FIP1L1: variants seen among roughly 807,000 people sequenced by gnomAD.
FIP1L1 encodes pre-mRNA 3'-end-processing factor FIP1.
A neutral mutation model predicts 84.6 loss-of-function variants in FIP1L1; 21 were observed. That is an observed-to-expected ratio of 0.25 (90% confidence interval 0.18 to 0.36). The LOEUF is 0.36. FIP1L1 is among the 10% of genes least tolerant of loss of function. FIP1L1 has a pLI of 1.00. For missense variants in FIP1L1, 526 were observed against 751.1 expected, an observed-to-expected ratio of 0.70 and a Z score of 3.50; for synonymous variants, 263 against 242.3, an observed-to-expected ratio of 1.09 and a Z score of -0.80.
In FIP1L1 at chr4:53,391,418, T is replaced by C; in HGVS notation, c.637-12T>C. 1.2e-6 allele frequency: 2 copies of C among 1,607,610 alleles called. No individual in the cohort carries two copies. The highest frequency in any genetic ancestry group is 1.7e-6 in the Non-Finnish European group (2 of 1,174,330). On this transcript the variant is annotated splice_polypyrimidine_tract_variant and intron_variant, in intron 8 of 17. Coordinates refer to ENST00000337488, the MANE Select transcript of FIP1L1 (RefSeq NM_030917.4). ...TGTGGTATCTTAATGGGGAATATGT[T>C]ATTTAACTTAGGCCGAAGACTGTAC...
In FIP1L1 at chr4:53,378,042, T is replaced by G. The variant is rs550273498; in HGVS notation, c.85+119T>G. On this transcript the variant is annotated intron_variant, in intron 1 of 17. Transcript: ENST00000337488. Reference sequence around the variant, plus strand: ...TTCGGGCCTCTGGTTGGGAGTCCTGTCCGGCCTGACTTAGGCCGAGCGCGG... The same window carrying G: ...TTCGGGCCTCTGGTTGGGAGTCCTGGCCGGCCTGACTTAGGCCGAGCGCGG... 2,148 of 950,484 alleles carry G rather than the reference T, an allele frequency of 2.3e-3. 4 individuals carry two copies. Among genetic ancestry groups the G allele is most frequent in the Non-Finnish European group, 2.6e-3 (1,730 of 660,710 alleles). The allele number at this position is 950,484 out of a possible 1,614,324, so 58.9% of individuals were successfully genotyped here.
chr4:53,458,204 A>G (rs908908479), intron 16 of FIP1L1, among the ~76,000 whole-genome samples: 1 of 152,148 alleles, frequency 6.6e-6, no homozygotes, highest in East Asian at 1.9e-4. Flanking sequence ...TGAGTCGTGT[A>G]TTTTTATAAT....
At chr4:53,437,452 C>T (rs943880725) in intron 13 of FIP1L1, among the ~76,000 whole-genome samples, 4 of 150,046 alleles carry the variant, frequency 2.7e-5, no homozygotes, top group East Asian at 2.0e-4. Flanking sequence ...CATAAAAATT[C>T]GGAATGGGAT....
At chr4:53,433,426 T>C (rs551327434) in intron 13 of FIP1L1, among the ~76,000 whole-genome samples, 4 of 152,224 alleles carry the variant, frequency 2.6e-5, no homozygotes, top group Non-Finnish European at 5.9e-5. Context: ...AATAATAGAA[T>C]TTAATTAATG....
At chr4:53,381,750 A>ATTTTTTTTTTTTTTTTTTTTTTTT (rs1233462083) in intron 3 of FIP1L1, among the ~76,000 whole-genome samples, 1 of 63,060 alleles carries the variant, frequency 1.6e-5, no homozygotes, top group Non-Finnish European at 3.0e-5. Flanking sequence ...AGGCATTTGC[A>ATTTTTTTTTTTTTTTTTTTTTTTT]TTCTTTTTTT....
chr4:53,442,156 T>C (rs1392481832), intron 13 of FIP1L1: 1 of 152,898 alleles, frequency 6.5e-6, no homozygotes, highest in Non-Finnish European at 1.5e-5. Context: ...TGAACATATT[T>C]TCTGGTGGAT....
chr4:53,417,757 ACACACACTCTCTCTCTCTCTCTCTCT>A (rs1385444709), intron 11 of FIP1L1, among the ~76,000 whole-genome samples: 10 of 35,180 alleles, frequency 2.8e-4, no homozygotes, highest in South Asian at 1.9e-3. Context: ...ACACACACAC[ACACACACTCTCTCTCTCTCTCTCTCT>A]CTCTCTCTCT....
At chr4:53,405,861 A>G (rs1452621987) in intron 10 of FIP1L1, among the ~76,000 whole-genome samples, 1 of 151,872 alleles carries the variant, frequency 6.6e-6, no homozygotes, top group Admixed American at 6.5e-5. Context: ...TTGATTTTGT[A>G]TCCTGAGACT....
rs530069151 is a variant in FIP1L1 at position 53,406,458 on chromosome 4, G to C, written c.815+6619G>C. Among the ~76,000 whole-genome samples, 16 of 152,308 alleles carry C rather than the reference G, an allele frequency of 1.1e-4. No individual in the cohort carries two copies. In the East Asian group the frequency reaches 1.9e-3, roughly 18 times the overall value. On this transcript the variant is annotated intron_variant, in intron 10 of 17. Coordinates refer to ENST00000337488, the MANE Select transcript of FIP1L1 (RefSeq NM_030917.4). ...GCGTCAATGTTCATCAGGGATATTG[G>C]TCTAAAATTCTCTTTTTTGGTTGTT...
chr4:53,433,066 G>T (rs1349958010), intron 13 of FIP1L1, among the ~76,000 whole-genome samples: 1 of 152,078 alleles, frequency 6.6e-6, no homozygotes, highest in African/African-American at 2.4e-5. Context: ...TTTGTTTATT[G>T]GAAGAAAAAC....
chr4:53,415,325 C>T (rs1759007821), intron 11 of FIP1L1, among the ~76,000 whole-genome samples: 1 of 152,052 alleles, frequency 6.6e-6, no homozygotes, highest in Admixed American at 6.6e-5. Context: ...TTCTCTGAGC[C>T]TGAAAATTGA....
intron 9 of FIP1L1, 77 bp from the exon 10 acceptor site, chr4:53,399,653 C>A: frequency 1.1e-6 from 1 of 894,988 alleles, no homozygotes; most frequent in Non-Finnish European, 1.8e-6. Flanking sequence ...ATGTTGTAAA[C>A]TTATTTTAAC....
chr4:53,428,611 C>A (rs559386328), intron 13 of FIP1L1, among the ~76,000 whole-genome samples: 1 of 152,048 alleles, frequency 6.6e-6, no homozygotes, highest in Non-Finnish European at 1.5e-5. Context: ...TTCTGTATAC[C>A]GGTTTCCTTT....
At chr4:53,381,543 T>G (rs1460800085) in intron 3 of FIP1L1, among the ~76,000 whole-genome samples, 3 of 152,202 alleles carry the variant, frequency 2.0e-5, no homozygotes, top group African/African-American at 7.2e-5. Context: ...AGTAGAACAA[T>G]GAAAATATAA....
intron 3 of FIP1L1, among the ~76,000 whole-genome samples, chr4:53,379,762 G>T (rs1293649182): frequency 6.6e-6 from 1 of 152,146 alleles, no homozygotes; most frequent in Non-Finnish European, 1.5e-5. Flanking sequence ...TTGTTAGATT[G>T]TAAGAAAGAT....
At chr4:53,419,509 T>C (rs1761219317) in intron 11 of FIP1L1, among the ~76,000 whole-genome samples, 1 of 152,132 alleles carries the variant, frequency 6.6e-6, no homozygotes, top group African/African-American at 2.4e-5. Context: ...GGTGGGATCA[T>C]AGCTCCCTGC....
At chr4:53,411,445 A>G (rs562203088) in intron 10 of FIP1L1, among the ~76,000 whole-genome samples, 1 of 152,128 alleles carries the variant, frequency 6.6e-6, no homozygotes, top group Non-Finnish European at 1.5e-5. Flanking sequence ...TAAAAAGGAT[A>G]CTTTGCAGTC....
At chr4:53,406,149 T>C (rs1194956987) in intron 10 of FIP1L1, among the ~76,000 whole-genome samples, 2 of 152,186 alleles carry the variant, frequency 1.3e-5, no homozygotes, top group East Asian at 3.8e-4. Flanking sequence ...GTGGGTTTGT[T>C]ATAGATAGCT....
chr4:53,409,442 A>T (rs1755830088), intron 10 of FIP1L1, among the ~76,000 whole-genome samples: 1 of 152,222 alleles, frequency 6.6e-6, no homozygotes, highest in Non-Finnish European at 1.5e-5. Flanking sequence ...CTCGGGGGTC[A>T]AGGGTCAGGG....
Sources: gnomAD v4.1 joint callset for allele counts (sites outside exome capture counted in the v4.1 genomes callset) on GRCh38, gnomAD v4.1.1 for gene constraint, MANE v1.5 for transcripts, NCBI Gene and HGNC (gene_info 2026-07-23, HGNC 2026-07-21) for gene names.